The following RBFOX1 variants were observed in gnomAD, a reference collection of about 807,000 sequenced individuals.
The protein encoded by RBFOX1 is RNA binding protein fox-1 homolog 1.
RBFOX1 carries 8 observed loss-of-function variants against 57.7 expected under a neutral mutation model. The ratio of observed to expected loss-of-function variants is 0.14; its 90% CI spans 0.08 to 0.25. The LOEUF is 0.25. Ranked by LOEUF, RBFOX1 falls within the 10% of genes least tolerant of loss-of-function variation. RBFOX1 has a pLI of 1.00. For missense variants in RBFOX1, 611 were observed against 548.5 expected (o/e 1.11, Z -1.14); for synonymous variants, 326 against 222.4 (o/e 1.47, Z -4.15).
chr16:7,610,818 T>G (rs1419484679), intron 10 of RBFOX1, among the ~76,000 whole-genome samples: 31 of 152,212 alleles, frequency 2.0e-4, no homozygotes, highest in Non-Finnish European at 1.0e-4. Flanking sequence ...AGATGCAGAG[T>G]GCATTCATTT....
At chr16:7,492,928 G>A (rs551564862) in intron 4 of RBFOX1, among the ~76,000 whole-genome samples, 1 of 152,120 alleles carries the variant, frequency 6.6e-6, no homozygotes, top group African/African-American at 2.4e-5. Context: ...CCCCAGGCTG[G>A]AGTGCAGTGG....
chr16:7,272,102 A>G (rs987571211), intron 4 of RBFOX1, among the ~76,000 whole-genome samples: 1 of 152,114 alleles, frequency 6.6e-6, no homozygotes, highest in Admixed American at 6.5e-5. Context: ...CGTTTGTAAG[A>G]CCCCAAATGC....
At chr16:6,379,868 G>T (rs1346372455) in intron 2 of RBFOX1, among the ~76,000 whole-genome samples, 2 of 152,188 alleles carry the variant, frequency 1.3e-5, no homozygotes, top group African/African-American at 2.4e-5. Flanking sequence ...ACAAGAGAAG[G>T]TTCATGGGAT....
chr16:7,352,823 C>T (rs2097152070), intron 4 of RBFOX1, among the ~76,000 whole-genome samples: 1 of 152,104 alleles, frequency 6.6e-6, no homozygotes, highest in African/African-American at 2.4e-5. Context: ...TCAGGTGATC[C>T]TCCCACCTCA....
chr16:6,282,843 C>G (rs754137220), intron 1 of RBFOX1, among the ~76,000 whole-genome samples: 1 of 152,208 alleles, frequency 6.6e-6, no homozygotes, highest in Non-Finnish European at 1.5e-5. Context: ...CTAATAATTT[C>G]TTGAGCATTT....
intron 1 of RBFOX1, among the ~76,000 whole-genome samples, chr16:5,318,678 A>G (rs1441619890): frequency 6.6e-6 from 1 of 152,198 alleles, no homozygotes; most frequent in Admixed American, 6.5e-5. Flanking sequence ...TGGTCCCTCA[A>G]GATTCTCAGC....
chr16:6,368,965 A>C (rs971263691), intron 2 of RBFOX1, among the ~76,000 whole-genome samples: 3 of 152,252 alleles, frequency 2.0e-5, no homozygotes, highest in Middle Eastern at 3.2e-3. Flanking sequence ...GTTGGAAAAA[A>C]GGAACAATAG....
At chr16:6,895,446 GTGTATATATATA>G (rs1309099209) in intron 3 of RBFOX1, among the ~76,000 whole-genome samples, 11 of 57,098 alleles carry the variant, frequency 1.9e-4, no homozygotes, top group African/African-American at 2.6e-4. Context: ...GTGTGTGTGT[GTGTATATATATA>G]TATATATATA....
intron 4 of RBFOX1, among the ~76,000 whole-genome samples, chr16:7,386,011 G>A (rs1597125919): frequency 6.6e-6 from 1 of 150,556 alleles, no homozygotes; most frequent in Non-Finnish European, 1.5e-5. Context: ...GGCTGGTCTC[G>A]AACTCCTGAC....
intron 4 of RBFOX1, among the ~76,000 whole-genome samples, chr16:7,464,441 C>T (rs895688502): frequency 1.5e-4 from 23 of 151,968 alleles, no homozygotes; most frequent in African/African-American, 5.6e-4. Context: ...GTCACTTCTG[C>T]AAAATGGATC....
chr16:6,781,194 T>C (rs558658089), intron 3 of RBFOX1, among the ~76,000 whole-genome samples: 117 of 152,276 alleles, frequency 7.7e-4, no homozygotes, highest in African/African-American at 2.6e-3. Flanking sequence ...AGGGACATAG[T>C]GTTTGGTCTT....
At chr16:5,830,123 C>T (rs1014617512) in intron 3 of RBFOX1, among the ~76,000 whole-genome samples, 2 of 152,202 alleles carry the variant, frequency 1.3e-5, no homozygotes, top group Non-Finnish European at 2.9e-5. Context: ...CTGCAATGCT[C>T]ATTTGCAAAT....
At chr16:6,725,137 G>A (rs981617149) in intron 3 of RBFOX1, among the ~76,000 whole-genome samples, 16 of 142,492 alleles carry the variant, frequency 1.1e-4, no homozygotes, top group African/African-American at 4.2e-4. Flanking sequence ...TGCAAGCTCT[G>A]CGTCCCGGGT....
chr16:6,323,748 T>G (rs369104023), intron 2 of RBFOX1, among the ~76,000 whole-genome samples: 1 of 152,084 alleles, frequency 6.6e-6, no homozygotes, highest in East Asian at 1.9e-4. Flanking sequence ...CCATACATCA[T>G]GGGTATGTTG....
intron 2 of RBFOX1, among the ~76,000 whole-genome samples, chr16:5,511,826 G>A (rs1567178368): frequency 6.6e-6 from 1 of 152,210 alleles, no homozygotes; most frequent in Non-Finnish European, 1.5e-5. Context: ...TTGCAGAGTA[G>A]GGGAGACCAG....
At chr16:6,465,250 G>T (rs1243497920) in intron 2 of RBFOX1, among the ~76,000 whole-genome samples, 1 of 152,138 alleles carries the variant, frequency 6.6e-6, no homozygotes, top group African/African-American at 2.4e-5. Context: ...GAAAGTGGTG[G>T]AGTGAGGTTT....
At chr16:7,480,777 C>A (rs1026486706) in intron 4 of RBFOX1, among the ~76,000 whole-genome samples, 3 of 151,980 alleles carry the variant, frequency 2.0e-5, no homozygotes. Flanking sequence ...TGTGAGAAGT[C>A]GTAATTAATG....
rs113808623 is a variant in RBFOX1, at chr16:7,285,378, TTGTGTG to T, written c.28-232747_28-232742del. ...ATTTCCCCAATGTTACTTGCATTAA[TTGTGTG>T]TGTGTGTGTGTGTGTGTGTGTTTGC... On this transcript the variant is annotated intron_variant, in intron 4 of 15. Coordinates refer to ENST00000550418, the MANE Select transcript of RBFOX1 (RefSeq NM_018723.4). 2.6e-4 allele frequency among the ~76,000 whole-genome samples: 39 copies of T among 147,668 alleles called. 1 individual carries two copies. The South Asian group carries it at 5.8e-3, about 22-fold the overall frequency.
chr16:6,232,765 C>T (rs755238518), intron 1 of RBFOX1, among the ~76,000 whole-genome samples: 2 of 152,104 alleles, frequency 1.3e-5, no homozygotes, highest in African/African-American at 2.4e-5. Context: ...ATGCAGTGAC[C>T]TCGAGGTCTT....
Sources: allele counts gnomAD v4.1 joint callset (sites outside exome capture counted in the v4.1 genomes callset), GRCh38; gene constraint gnomAD v4.1.1; transcripts MANE v1.5; gene names NCBI Gene and HGNC (gene_info 2026-07-23, HGNC 2026-07-21).